Variants in FAT3 observed in about 807,000 individuals in gnomAD.
FAT3 encodes the protein FAT atypical cadherin 3.
In FAT3, 95 loss-of-function variants were observed where a neutral mutation model predicts 310.2. The observed-to-expected ratio is 0.31, with a 90% CI of 0.26 to 0.36. FAT3 has a LOEUF of 0.36. Ranked by LOEUF, FAT3 falls within the 10% of genes least tolerant of loss-of-function variation. FAT3 has a pLI of 1.00. For synonymous variants in FAT3, 2,314 were observed against 2,192.9 expected (o/e 1.06, Z -1.54); for missense variants, 5,408 against 5,715.6 (o/e 0.95, Z 1.74).
intron 3 of FAT3, among the ~76,000 whole-genome samples, chr11:92,639,476 C>T (rs1468514102): frequency 5.3e-5 from 8 of 152,172 alleles, no homozygotes. Context: ...GATCACTTCT[C>T]TCTTTCTCTC....
intron 2 of FAT3, among the ~76,000 whole-genome samples, chr11:92,412,754 T>TATATATATATATATATAC (rs1565296585): frequency 2.1e-5 from 2 of 94,922 alleles, no homozygotes; most frequent in Admixed American, 1.1e-4. Flanking sequence ...TAAATATACA[T>TATATATATATATATATAC]ACATATATAT....
intron 21 of FAT3, among the ~76,000 whole-genome samples, chr11:92,862,384 T>C (rs1328827942): frequency 6.6e-6 from 1 of 152,076 alleles, no homozygotes; most frequent in South Asian, 2.1e-4. Context: ...CCAGAAGAGA[T>C]GTAAGGAGAA....
chr11:92,552,373 TACTC>T (rs1337062100), intron 3 of FAT3, among the ~76,000 whole-genome samples: 4 of 152,200 alleles, frequency 2.6e-5, no homozygotes, highest in Non-Finnish European at 4.4e-5. Context: ...AAAAGTCACA[TACTC>T]ACATGGAAAA....
intron 2 of FAT3, among the ~76,000 whole-genome samples, chr11:92,477,573 C>T (rs1952081610): frequency 6.6e-6 from 1 of 152,188 alleles, no homozygotes; most frequent in Non-Finnish European, 1.5e-5. Context: ...CATTTTATGT[C>T]TACATCTATT....
chr11:92,596,415 G>C (rs984636667), intron 3 of FAT3, among the ~76,000 whole-genome samples: 3 of 152,182 alleles, frequency 2.0e-5, no homozygotes, highest in Admixed American at 6.5e-5. Context: ...TCCTGGGGCT[G>C]ATGGAGGTTA....
chr11:92,582,368 G>C (rs183187097), intron 3 of FAT3, among the ~76,000 whole-genome samples: 1 of 151,910 alleles, frequency 6.6e-6, no homozygotes, highest in African/African-American at 2.4e-5. Flanking sequence ...TCTGGTTCAC[G>C]TGCCTCTGAC....
intron 1 of FAT3, among the ~76,000 whole-genome samples, chr11:92,242,892 C>T (rs1380410704): frequency 6.6e-6 from 1 of 151,692 alleles, no homozygotes; most frequent in Non-Finnish European, 1.5e-5. Flanking sequence ...TCGTATTTAT[C>T]CAAGGAACAA....
intron 14 of FAT3, among the ~76,000 whole-genome samples, chr11:92,833,588 C>G (rs1263221043): frequency 2.6e-5 from 4 of 152,128 alleles, no homozygotes; most frequent in Non-Finnish European, 4.4e-5. Flanking sequence ...TAATATAACA[C>G]TGCTATACTG....
intron 7 of FAT3, among the ~76,000 whole-genome samples, chr11:92,781,902 A>G (rs1946764163): frequency 6.6e-6 from 1 of 152,216 alleles, no homozygotes; most frequent in African/African-American, 2.4e-5. Flanking sequence ...TATGAAAGAC[A>G]GCAGAGACAG....
intron 2 of FAT3, among the ~76,000 whole-genome samples, chr11:92,399,731 G>C (rs545418977): frequency 1.2e-4 from 19 of 152,198 alleles, no homozygotes; most frequent in Non-Finnish European, 1.5e-4. Flanking sequence ...AGCCCCTTAA[G>C]TGGCAGTGGA....
chr11:92,263,956 G>C (rs950806120), intron 1 of FAT3, among the ~76,000 whole-genome samples: 1 of 152,100 alleles, frequency 6.6e-6, no homozygotes, highest in Non-Finnish European at 1.5e-5. Flanking sequence ...AGTGCTCTGA[G>C]AAGTGCTATA....
chr11:92,266,913 G>A (rs533019695), intron 1 of FAT3, among the ~76,000 whole-genome samples: 3 of 152,198 alleles, frequency 2.0e-5, no homozygotes, highest in African/African-American at 4.8e-5. Context: ...ATCACCCATG[G>A]AGTTACATTC....
At chr11:92,275,460 T>C (rs1347645370) in intron 1 of FAT3, among the ~76,000 whole-genome samples, 1 of 152,064 alleles carries the variant, frequency 6.6e-6, no homozygotes. Flanking sequence ...TTCTACTGAT[T>C]GGCAAACATA....
chr11:92,774,341 A>G (rs527766809), intron 7 of FAT3, among the ~76,000 whole-genome samples, 161 bp downstream of exon 7: 2 of 152,364 alleles, frequency 1.3e-5, no homozygotes, highest in African/African-American at 4.8e-5. Context: ...AAGGGATTCT[A>G]TAGATGATAT....
rs2136415000 is a variant in FAT3 at position 92,883,169 on chromosome 11, C to G, written c.12713C>G (p.Thr4238Arg). The G allele has an allele frequency of 6.2e-7, 1 of 1,613,570 alleles. No homozygotes were observed. Among genetic ancestry groups the G allele is most frequent in the Non-Finnish European group, 8.5e-7 (1 of 1,179,842 alleles). Residue 4238 changes from threonine (T) to arginine (R), a missense_variant, in exon 24 of 28, where the codon ACA becomes AGA. Physicochemically the swap from Thr to Arg is moderately conservative, Grantham distance 71. Coordinates refer to ENST00000525166, the MANE Select transcript of FAT3 (RefSeq NM_001367949.2). The surrounding 1 kb of genome is among the most constrained non-coding windows in gnomAD (Gnocchi z 4.2). ...PQVPVRPMAY[T>R]PCFQSDSRSN... is the part of the protein sequence containing the mutation. ...GTCCCCGTGCGCCCCATGGCCTACA[C>G]ACCCTGCTTCCAGAGTGACTCCAGG... is the stretch of plus-strand genomic sequence containing the variant.
chr11:92,638,535 G>A (rs1020578818), intron 3 of FAT3, among the ~76,000 whole-genome samples: 2 of 152,198 alleles, frequency 1.3e-5, no homozygotes, highest in Non-Finnish European at 2.9e-5. Context: ...GGAAAGCATT[G>A]CTTGGAGTTG....
In FAT3 at chr11:92,362,282, T is replaced by C. The variant is rs78258850; in HGVS notation, c.3292+6878T>C. On this transcript the variant is annotated intron_variant, in intron 2 of 27. Transcript: ENST00000525166. ...AAGGTATTTGAGACACATTAATTAC[T>C]GTCAAGCTAATTTCTATATATTGTG... is the stretch of plus-strand genomic sequence containing the variant. Among the ~76,000 whole-genome samples, 13 of 152,370 alleles carry C rather than the reference T, an allele frequency of 8.5e-5. No individual in the cohort carries two copies. In the East Asian group the frequency reaches 2.3e-3, roughly 27 times the overall value.
chr11:92,854,041 G>A (rs1388919796), intron 19 of FAT3, among the ~76,000 whole-genome samples: 1 of 152,100 alleles, frequency 6.6e-6, no homozygotes, highest in Non-Finnish European at 1.5e-5. Flanking sequence ...TTTTCTGAAG[G>A]GCGCCTGCAG....
chr11:92,736,228 T>C lies in FAT3; in HGVS notation c.3670-25628T>C, dbSNP rs1267052178. Among the ~76,000 whole-genome samples the C allele has an allele frequency of 2.6e-5, 4 of 152,282 alleles. No individual in the cohort carries two copies. In the East Asian group the frequency reaches 7.7e-4, roughly 29 times the overall value. The stretch of plus-strand genomic sequence containing the variant: ...AGACATTTTATATCTGGAGCTGCCA[T>C]TTGAGAGTCGCCAGCAGAGGGTTCA... On this transcript the variant is annotated intron_variant, in intron 4 of 27. Coordinates refer to ENST00000525166, the MANE Select transcript of FAT3 (RefSeq NM_001367949.2).
Sources: allele counts gnomAD v4.1 joint callset (sites outside exome capture counted in the v4.1 genomes callset), GRCh38; gene constraint gnomAD v4.1.1; non-coding constraint Gnocchi (gnomAD v3.1); transcripts MANE v1.5; gene names NCBI Gene and HGNC (gene_info 2026-07-23, HGNC 2026-07-21).